TRDN: variants seen among roughly 807,000 people sequenced by gnomAD.
The protein encoded by TRDN is triadin in skeletal muscle.
In TRDN, 161 loss-of-function variants were observed where a neutral mutation model predicts 149.7. The ratio of observed to expected loss-of-function variants is 1.08; its 90% confidence interval spans 0.95 to 1.23. The LOEUF is 1.23. Among genes scored for constraint, TRDN ranks in the 50% most tolerant of loss-of-function variants. The probability of loss-of-function intolerance (pLI) is 0.00; values close to 1 mark genes in which losing one functional copy is unlikely to be tolerated. For missense variants in TRDN, 896 were observed against 823.5 expected, an observed-to-expected ratio of 1.09 and a Z score of -1.08; for synonymous variants, 294 against 250.5, an observed-to-expected ratio of 1.17 and a Z score of -1.64.
rs191054290 is a variant in TRDN, at chr6:123,227,395, A to G, written c.1976-3264T>C. On this transcript the variant is annotated intron_variant, in intron 38 of 40. Transcript: ENST00000334268. Reference sequence around the variant, plus strand: ...AAAGACAGTGGTGCCACTCCCAACTACAATGAAGTCCCTAGGGGACACTGA... The same window carrying G: ...AAAGACAGTGGTGCCACTCCCAACTGCAATGAAGTCCCTAGGGGACACTGA... 1.4e-3 allele frequency among the ~76,000 whole-genome samples: 209 copies of G among 152,014 alleles called. 4 individuals carry two copies. Among genetic ancestry groups the G allele is most frequent in the South Asian group, 7.7e-3 (37 of 4,822 alleles).
chr6:123,264,522 G>T (rs1391431724), intron 33 of TRDN, among the ~76,000 whole-genome samples: 1 of 152,020 alleles, frequency 6.6e-6, no homozygotes, highest in African/African-American at 2.4e-5. Flanking sequence ...TGTGAACATC[G>T]TCAAAATCAC....
At chr6:123,534,779 G>T (rs958726379) in intron 4 of TRDN, among the ~76,000 whole-genome samples, 1 of 152,114 alleles carries the variant, frequency 6.6e-6, no homozygotes, top group Non-Finnish European at 1.5e-5. Context: ...ATAGGTGAAT[G>T]TCTCCACTTA....
intron 38 of TRDN, among the ~76,000 whole-genome samples, chr6:123,239,745 A>T (rs1280514924): frequency 6.6e-6 from 1 of 152,064 alleles, no homozygotes; most frequent in Non-Finnish European, 1.5e-5. Flanking sequence ...ATGCTGCTGA[A>T]ATAGTGCTTA....
chr6:123,340,586 C>T (rs1424060845), intron 21 of TRDN, among the ~76,000 whole-genome samples: 1 of 151,932 alleles, frequency 6.6e-6, no homozygotes, highest in African/African-American at 2.4e-5. Context: ...TCTTTCTTAC[C>T]CAGCTTGCTC....
At chr6:123,517,013 G>A (rs1779441546) in intron 5 of TRDN, among the ~76,000 whole-genome samples, 1 of 152,020 alleles carries the variant, frequency 6.6e-6, no homozygotes, top group Non-Finnish European at 1.5e-5. Context: ...CACTTGCTAT[G>A]TGCTAAAGAC....
At chr6:123,521,288 T>A (rs918072911) in intron 5 of TRDN, among the ~76,000 whole-genome samples, 8 of 151,912 alleles carry the variant, frequency 5.3e-5, no homozygotes, top group African/African-American at 1.9e-4. Context: ...GGAAATAAGG[T>A]TTTTACAGAG....
chr6:123,269,498 G>A (rs1432554706), intron 31 of TRDN, among the ~76,000 whole-genome samples: 1 of 151,888 alleles, frequency 6.6e-6, no homozygotes, highest in Admixed American at 6.6e-5. Context: ...CTTACTGTGA[G>A]TGGTATTTTA....
At chr6:123,454,702 G>A (rs1159677245) in intron 10 of TRDN, among the ~76,000 whole-genome samples, 1 of 152,204 alleles carries the variant, frequency 6.6e-6, no homozygotes, top group Non-Finnish European at 1.5e-5. Context: ...TCCGCCTCCT[G>A]TCGGATCAGC....
In TRDN at chr6:123,570,917, A is replaced by C. The variant is rs747825904; in HGVS notation, c.232+6T>G. On this transcript the variant is annotated splice_donor_region_variant and intron_variant, in intron 2 of 40. Coordinates refer to ENST00000334268, the MANE Select transcript of TRDN (RefSeq NM_006073.4). ...TAATTTTAAAGCCAAATTTTATGGA[A>C]CTTACCTGAAAAGTTTTTGTAATCC... 1.9e-6 allele frequency: 3 copies of C among 1,612,510 alleles called. No homozygotes were observed. The highest frequency in any genetic ancestry group is 2.7e-5 in the African/African-American group (2 of 74,918).
intron 2 of TRDN, among the ~76,000 whole-genome samples, chr6:123,567,680 A>C (rs1782363084): frequency 6.6e-6 from 1 of 152,134 alleles, no homozygotes; most frequent in African/African-American, 2.4e-5. Context: ...ATATCTCACA[A>C]GATCTCATTC....
intron 2 of TRDN, among the ~76,000 whole-genome samples, chr6:123,552,830 T>C (rs1207574618): frequency 6.6e-6 from 1 of 152,158 alleles, no homozygotes; most frequent in Non-Finnish European, 1.5e-5. Context: ...ACTTTTGCCA[T>C]GTCTATAAAA....
At chr6:123,383,840 G>A (rs1245865763) in intron 14 of TRDN, among the ~76,000 whole-genome samples, 1 of 152,064 alleles carries the variant, frequency 6.6e-6, no homozygotes, top group Non-Finnish European at 1.5e-5. Context: ...TCTGTAACAC[G>A]AATATGTTTT....
chr6:123,233,421 A>T (rs371507350), intron 38 of TRDN, among the ~76,000 whole-genome samples: 6 of 152,122 alleles, frequency 3.9e-5, no homozygotes, highest in African/African-American at 1.4e-4. Flanking sequence ...TGTAGGCAGC[A>T]CACAGTGAAG....
intron 1 of TRDN, among the ~76,000 whole-genome samples, chr6:123,619,112 G>C (rs902002539): frequency 6.6e-6 from 1 of 152,150 alleles, no homozygotes; most frequent in African/African-American, 2.4e-5. Context: ...TAGTGTGCAA[G>C]ATTGCAAGAT....
Position 123,455,007 on chromosome 6 carries a change from T to C in TRDN, c.931+9899A>G, listed in dbSNP as rs1172034890. ...GCAACATGGATAATGAAGCTTGAGA[T>C]AGATATACTCTGTGAAAAACTTTCA... On this transcript the variant is annotated intron_variant, in intron 10 of 40. Coordinates refer to ENST00000334268, the MANE Select transcript of TRDN (RefSeq NM_006073.4). Among the ~76,000 whole-genome samples the C allele has an allele frequency of 3.3e-5, 5 of 152,200 alleles. No homozygotes were observed. In the East Asian group the frequency reaches 7.7e-4, roughly 23 times the overall value.
chr6:123,331,801 A>G, intron 23 of TRDN, 78 bp downstream of exon 23: 1 of 940,426 alleles, frequency 1.1e-6, no homozygotes, highest in Non-Finnish European at 1.5e-6. Flanking sequence ...AAATGAAATG[A>G]TTCATTACTT....
At chr6:123,226,322 T>G (rs1020628499) in intron 38 of TRDN, among the ~76,000 whole-genome samples, 2 of 151,868 alleles carry the variant, frequency 1.3e-5, no homozygotes, top group African/African-American at 4.8e-5. Flanking sequence ...ATATCTTAAT[T>G]GTGTAATAAG....
Position 123,279,209 on chromosome 6 carries a change from T to G in TRDN, c.1511-127A>C, listed in dbSNP as rs1048504604. ...AATGTAGACCCCACCTATCCTTTTT[T>G]GTTGAAATTCTATAGAATGTGTAAC... On this transcript the variant is annotated intron_variant, in intron 24 of 40. Coordinates refer to ENST00000334268, the MANE Select transcript of TRDN (RefSeq NM_006073.4). 1.5e-5 allele frequency: 11 copies of G among 743,640 alleles called. No homozygotes were observed. The African/African-American group carries it at 2.0e-4, about 13-fold the overall frequency. 46.1% of individuals were successfully genotyped at this position (743,640 alleles called of 1,614,324 possible).
In TRDN at chr6:123,240,469, T is replaced by TA. The variant is rs906010904; in HGVS notation, c.1975+11942dup. Among the ~76,000 whole-genome samples, 32 of 150,006 alleles carry TA rather than the reference T, an allele frequency of 2.1e-4. No individual in the cohort carries two copies. In the East Asian group the frequency reaches 2.2e-3, roughly 10 times the overall value. On this transcript the variant is annotated intron_variant, in intron 38 of 40. Coordinates refer to ENST00000334268, the MANE Select transcript of TRDN (RefSeq NM_006073.4). ...ATCAATCTTACTTGCTGAAACAACG[T>TA]AAAAAAAAAGCCATAAATAACAGTT...
Sources: allele counts gnomAD v4.1 joint callset (sites outside exome capture counted in the v4.1 genomes callset), GRCh38; gene constraint gnomAD v4.1.1; transcripts MANE v1.5; gene names NCBI Gene and HGNC (gene_info 2026-07-23, HGNC 2026-07-21).